The following CAMKMT variants were observed in gnomAD, a reference collection of about 807,000 sequenced individuals.
CAMKMT encodes calmodulin-lysine N-methyltransferase.
Under a neutral mutation model 48.0 loss-of-function variants are expected in CAMKMT, and 53 were observed. That is an observed-to-expected ratio of 1.10 (90% CI 0.89 to 1.39). The LOEUF (loss-of-function observed/expected upper bound fraction) is 1.39, where lower values mean the gene tolerates loss of function less well. Among genes scored for constraint, CAMKMT ranks in the 40% most tolerant of loss-of-function variants. The pLI, the probability that CAMKMT is intolerant of heterozygous loss-of-function variation, is 0.00. For synonymous variants in CAMKMT, 165 were observed against 152.3 expected, an observed-to-expected ratio of 1.08 and a Z score of -0.61; for missense variants, 428 against 402.7, an observed-to-expected ratio of 1.06 and a Z score of -0.54.
intron 3 of CAMKMT, among the ~76,000 whole-genome samples, chr2:44,447,539 C>T (rs1667068906): frequency 6.6e-6 from 1 of 152,196 alleles, no homozygotes; most frequent in African/African-American, 2.4e-5. Context: ...ACATTTCTTT[C>T]ATGTTGCATG....
rs916250951 is a variant in CAMKMT, at chr2:44,416,247, T to C, written c.376+25942T>C. On this transcript the variant is annotated intron_variant, in intron 3 of 10. Transcript: ENST00000378494. The stretch of plus-strand genomic sequence containing the variant: ...AACAAGTATAGATCATTGAAAAAAT[T>C]TAAAAGTAATGTATGATTTAGTTTA... Among the ~76,000 whole-genome samples, 52 of 152,158 alleles carry C rather than the reference T, an allele frequency of 3.4e-4. 1 individual carries two copies. The highest frequency in any genetic ancestry group is 3.7e-4 in the Non-Finnish European group (25 of 68,014).
intron 3 of CAMKMT, among the ~76,000 whole-genome samples, chr2:44,570,804 T>C (rs1668862884): frequency 1.3e-5 from 2 of 152,206 alleles, no homozygotes; most frequent in Admixed American, 1.3e-4. Context: ...TGTGGTTACA[T>C]GTAGGTTATG....
rs558953614 is a variant in CAMKMT at position 44,453,861 on chromosome 2, G to A, written c.376+63556G>A. On this transcript the variant is annotated intron_variant, in intron 3 of 10. Transcript: ENST00000378494. Reference sequence around the variant, plus strand: ...AATAAAACGACTATAAGATTAAGAGGTGTTTTTCTATGCTGCTTTTTAGTC... The same window carrying A: ...AATAAAACGACTATAAGATTAAGAGATGTTTTTCTATGCTGCTTTTTAGTC... 5.9e-5 allele frequency among the ~76,000 whole-genome samples: 9 copies of A among 152,052 alleles called. No individual in the cohort carries two copies. The South Asian group carries it at 1.9e-3, about 32-fold the overall frequency.
intron 3 of CAMKMT, among the ~76,000 whole-genome samples, chr2:44,620,019 G>T (rs79949920): frequency 0.026 from 3,906 of 152,040 alleles, 166 homozygotes; most frequent in African/African-American, 0.089. Context: ...ATATTATTTT[G>T]AAGCAAACCC....
intron 3 of CAMKMT, among the ~76,000 whole-genome samples, chr2:44,526,390 G>C (rs1484727939): frequency 2.6e-5 from 4 of 152,204 alleles, no homozygotes; most frequent in Non-Finnish European, 5.9e-5. Context: ...GATATACAGA[G>C]AGAGATTTAT....
chr2:44,389,807 T>C (rs1304048849), intron 2 of CAMKMT, among the ~76,000 whole-genome samples: 2 of 152,210 alleles, frequency 1.3e-5, no homozygotes, highest in Non-Finnish European at 2.9e-5. Flanking sequence ...GACCTGAAGA[T>C]TGGCTATTTC....
At chr2:44,547,493 T>C (rs942036246) in intron 3 of CAMKMT, among the ~76,000 whole-genome samples, 2 of 152,066 alleles carry the variant, frequency 1.3e-5, no homozygotes, top group Non-Finnish European at 2.9e-5. Context: ...GAATAGTCAC[T>C]GCACTCCAGC....
At chr2:44,724,418 A>C (rs1050057853) in intron 7 of CAMKMT, among the ~76,000 whole-genome samples, 1 of 152,232 alleles carries the variant, frequency 6.6e-6, no homozygotes, top group Non-Finnish European at 1.5e-5. Context: ...CAGACATCAC[A>C]TAAACCTTGC....
intron 2 of CAMKMT, 119 bp downstream of exon 2, chr2:44,373,007 CT>C: frequency 1.0e-6 from 1 of 958,536 alleles, no homozygotes; most frequent in Non-Finnish European, 1.5e-6. Flanking sequence ...TTTTTCAGAA[CT>C]TAGGTTTTAC....
chr2:44,771,851 T>C (rs1286779639), intron 10 of CAMKMT, among the ~76,000 whole-genome samples, 185 bp from the exon 11 acceptor site: 1 of 149,630 alleles, frequency 6.7e-6, no homozygotes, highest in African/African-American at 2.4e-5. Flanking sequence ...ACAATCCCCA[T>C]GTTAATGTAT....
At chr2:44,486,445 AG>A (rs1411664886) in intron 3 of CAMKMT, among the ~76,000 whole-genome samples, 3 of 152,196 alleles carry the variant, frequency 2.0e-5, no homozygotes, top group African/African-American at 7.2e-5. Flanking sequence ...GAGGAAAAGC[AG>A]TCTGGAATGT....
intron 3 of CAMKMT, among the ~76,000 whole-genome samples, chr2:44,613,328 C>T (rs1196347265): frequency 6.6e-6 from 1 of 152,204 alleles, no homozygotes; most frequent in African/African-American, 2.4e-5. Flanking sequence ...TACCCCACCT[C>T]TCAGGCTCTG....
At chr2:44,365,909 C>G (rs1224417759) in intron 1 of CAMKMT, among the ~76,000 whole-genome samples, 1 of 152,174 alleles carries the variant, frequency 6.6e-6, no homozygotes, top group Non-Finnish European at 1.5e-5. Context: ...TATATCAAAG[C>G]AGGATGCTTT....
chr2:44,770,993 T>C (rs1303167420), intron 10 of CAMKMT, among the ~76,000 whole-genome samples: 1 of 152,230 alleles, frequency 6.6e-6, no homozygotes, highest in Admixed American at 6.5e-5. Flanking sequence ...GGAAGTGGGC[T>C]CATGACTCCT....
At chr2:44,729,422 T>A (rs1294463909) in intron 7 of CAMKMT, among the ~76,000 whole-genome samples, 2 of 152,258 alleles carry the variant, frequency 1.3e-5, no homozygotes, top group East Asian at 3.9e-4. Flanking sequence ...AAGAAGGGAC[T>A]GGAGAGCAAG....
chr2:44,362,112 C>G lies in CAMKMT; in HGVS notation c.105C>G (p.Pro35=), dbSNP rs750835251. Reference sequence around the variant, plus strand: ...CTCGGGGGCCCGTAGTCTCGGCGCCCCTGGGAGCCGCCCGGTGGAAGCTCC... The same window carrying G: ...CTCGGGGGCCCGTAGTCTCGGCGCCGCTGGGAGCCGCCCGGTGGAAGCTCC... ...CTTRGPVVSA[P]LGAARWKLLR... The change falls in exon 1 of 11, where the codon CCC becomes CCG. Residue 35 remains proline (P), a synonymous_variant. Coordinates refer to ENST00000378494, the MANE Select transcript of CAMKMT (RefSeq NM_024766.5). 2.0e-6 allele frequency: 3 copies of G among 1,471,376 alleles called. No homozygotes were observed. The highest frequency in any genetic ancestry group is 5.8e-5 in the East Asian group (2 of 34,528). 91.1% of individuals were successfully genotyped at this position (1,471,376 alleles called of 1,614,324 possible). A position where few individuals can be genotyped will look rare whatever the true frequency, so the allele number is the denominator to read the frequency against.
intron 7 of CAMKMT, among the ~76,000 whole-genome samples, chr2:44,730,015 A>T (rs1678996642): frequency 6.6e-6 from 1 of 152,194 alleles, no homozygotes; most frequent in Non-Finnish European, 1.5e-5. Flanking sequence ...CAGCACACAG[A>T]TGGAGAAGTT....
chr2:44,746,683 T>C (rs1679930717), intron 8 of CAMKMT, among the ~76,000 whole-genome samples: 1 of 152,226 alleles, frequency 6.6e-6, no homozygotes, highest in South Asian at 2.1e-4. Flanking sequence ...AAAAGGATGC[T>C]ATTGACAAAC....
intron 3 of CAMKMT, among the ~76,000 whole-genome samples, chr2:44,598,841 T>C (rs1249091656): frequency 6.6e-6 from 1 of 151,314 alleles, no homozygotes; most frequent in African/African-American, 2.4e-5. Flanking sequence ...AAAAAGGCTA[T>C]ATACCATCAC....
Sources: allele counts gnomAD v4.1 joint callset (sites outside exome capture counted in the v4.1 genomes callset), GRCh38; gene constraint gnomAD v4.1.1; transcripts MANE v1.5; gene names NCBI Gene and HGNC (gene_info 2026-07-23, HGNC 2026-07-21).